The following CDH19 variants were observed in gnomAD, a reference collection of about 807,000 sequenced individuals.
CDH19 encodes the protein cadherin 19, also known as cadherin-19.
A neutral mutation model predicts 64.2 loss-of-function variants in CDH19; 67 were observed. The ratio of observed to expected loss-of-function variants is 1.04; its 90% CI spans 0.86 to 1.28. The LOEUF (loss-of-function observed/expected upper bound fraction) is 1.28, where lower values mean the gene tolerates loss of function less well. Ranked by LOEUF, CDH19 falls within the 50% of genes most tolerant of loss-of-function variation. The probability of loss-of-function intolerance (pLI) is 0.00; values close to 1 mark genes in which losing one functional copy is unlikely to be tolerated. For missense variants in CDH19, 1,030 were observed against 929.0 expected (o/e 1.11, Z -1.41); for synonymous variants, 346 against 319.3 (o/e 1.08, Z -0.89).
In CDH19 at chr18:66,568,401, A is replaced by G. The variant is rs761473652; in HGVS notation, c.490+15T>C. 2 of 1,582,648 alleles carry G rather than the reference A, an allele frequency of 1.3e-6. No individual in the cohort carries two copies. The highest frequency in any genetic ancestry group is 4.5e-5 in the East Asian group (2 of 44,628). The stretch of plus-strand genomic sequence containing the variant: ...CATTGTTAATATATCTTTGATGTAA[A>G]TTAATATGCAATACCTTCTGGAGAC... On this transcript the variant is annotated intron_variant, in intron 3 of 11. Coordinates refer to ENST00000262150, the MANE Select transcript of CDH19 (RefSeq NM_021153.4).
At chr18:66,512,616 C>G (rs1985546410) in intron 9 of CDH19, among the ~76,000 whole-genome samples, 2 of 151,566 alleles carry the variant, frequency 1.3e-5, no homozygotes, top group East Asian at 1.9e-4. Flanking sequence ...TATTACTTCT[C>G]CACATTGATT....
At position 66,554,436 on chromosome 18, in the gene CDH19, G is replaced by A. The variant is rs763770985; in HGVS notation, c.579C>T (p.Gly193=). Residue 193 remains glycine, a synonymous_variant, in exon 4 of 12, where the codon GGC becomes GGT. Transcript: ENST00000262150. ...TTGGTTCAACAGAAAAATATGGCTGGCCTTGAAGTAAGCTGTAGAGGAGAC... is the reference window on the plus strand; with the variant it reads ...TTGGTTCAACAGAAAAATATGGCTGACCTTGAAGTAAGCTGTAGAGGAGAC... ...NARLLYSLLQ[G]QPYFSVEPTT... is the part of the protein sequence containing the mutation. 3 of 1,611,698 alleles carry A rather than the reference G, an allele frequency of 1.9e-6. No homozygotes were observed. In the Admixed American group the frequency reaches 5.0e-5, roughly 27 times the overall value.
At chr18:66,594,762 A>G (rs888545704) in intron 1 of CDH19, among the ~76,000 whole-genome samples, 1 of 148,612 alleles carries the variant, frequency 6.7e-6, no homozygotes, top group Non-Finnish European at 1.5e-5. Context: ...AGAACAAAAA[A>G]CCAAACACTG....
chr18:66,511,373 C>T (rs1162787242), intron 10 of CDH19, among the ~76,000 whole-genome samples, 195 bp downstream of exon 10: 1 of 151,536 alleles, frequency 6.6e-6, no homozygotes, highest in East Asian at 1.9e-4. Context: ...TGAAGAAATG[C>T]GGTGAGAAAT....
chr18:66,535,493 T>C (rs1034814253), intron 7 of CDH19, among the ~76,000 whole-genome samples: 1 of 151,210 alleles, frequency 6.6e-6, no homozygotes, highest in Non-Finnish European at 1.5e-5. Flanking sequence ...CAAATGTTTT[T>C]GTTTGTTTAA....
intron 1 of CDH19, among the ~76,000 whole-genome samples, chr18:66,585,929 T>C (rs28714328): frequency 0.029 from 4,397 of 152,130 alleles, 205 homozygotes; most frequent in African/African-American, 0.1. Context: ...CTCAGAACAA[T>C]TATATTTTCA....
chr18:66,508,895 A>G (rs1985331513), intron 11 of CDH19, 100 bp downstream of exon 11: 2 of 1,240,872 alleles, frequency 1.6e-6, no homozygotes, highest in East Asian at 2.5e-5. Flanking sequence ...CTATGTATTT[A>G]TCATGTTATT....
chr18:66,583,675 G>C (rs1346723599), intron 1 of CDH19, among the ~76,000 whole-genome samples: 2 of 151,926 alleles, frequency 1.3e-5, no homozygotes, highest in African/African-American at 4.8e-5. Context: ...CGTAGACCAA[G>C]GAAACAGAAT....
At chr18:66,579,394 A>G (rs1159078229) in intron 1 of CDH19, among the ~76,000 whole-genome samples, 1 of 152,038 alleles carries the variant, frequency 6.6e-6, no homozygotes, top group East Asian at 1.9e-4. Context: ...AAACAATCAA[A>G]CAAACCCAAA....
At chr18:66,542,298 A>G (rs1986918195) in intron 7 of CDH19, among the ~76,000 whole-genome samples, 1 of 152,118 alleles carries the variant, frequency 6.6e-6, no homozygotes, top group South Asian at 2.1e-4. Flanking sequence ...TCTTGGTATC[A>G]AAAATTAAAT....
intron 2 of CDH19, 113 bp from the exon 3 acceptor site, chr18:66,568,823 T>C (rs980962011): frequency 8.4e-6 from 7 of 838,106 alleles, no homozygotes; most frequent in Non-Finnish European, 1.3e-5. Flanking sequence ...GATTTTATAT[T>C]ATTTCCACAT....
At chr18:66,505,473 G>T (rs1985149324) in intron 11 of CDH19, among the ~76,000 whole-genome samples, 171 bp from the exon 12 acceptor site, 1 of 149,994 alleles carries the variant, frequency 6.7e-6, no homozygotes, top group South Asian at 2.1e-4. Flanking sequence ...AATTACAAAA[G>T]AATGTATCAC....
chr18:66,554,394 T>C lies in CDH19; in HGVS notation c.610+11A>G, dbSNP rs776618924. The C allele has an allele frequency of 4.3e-6, 7 of 1,609,464 alleles. No homozygotes were observed. On this transcript the variant is annotated intron_variant, in intron 4 of 11. Transcript: ENST00000262150. ...ATCATGTTAAACTTTGCTTGTTTCA[T>C]TCACAAATACCTGTTGTTGGTTCAA...
intron 3 of CDH19, among the ~76,000 whole-genome samples, chr18:66,561,833 T>A (rs1466968090): frequency 6.6e-6 from 1 of 152,098 alleles, no homozygotes; most frequent in Non-Finnish European, 1.5e-5. Context: ...TAATTACTAA[T>A]GTAATCTTGG....
chr18:66,554,511 G>A lies in CDH19; in HGVS notation c.504C>T (p.Ile168=). The A allele has an allele frequency of 1.2e-6, 2 of 1,610,854 alleles. No individual in the cohort carries two copies. The highest frequency in any genetic ancestry group is 1.7e-6 in the Non-Finnish European group (2 of 1,177,780). ...PEMSPEGTLV[I]QVTASDADDP... is the part of the protein sequence containing the mutation. Reference sequence around the variant, plus strand: ...CGTCAGCATCACTTGCTGTCACCTGGATAACTAATGTTCCTAAAGAGAACA... The same window carrying A: ...CGTCAGCATCACTTGCTGTCACCTGAATAACTAATGTTCCTAAAGAGAACA... The change falls in exon 4 of 12, where the codon ATC becomes ATT. Residue 168 remains isoleucine (I), a synonymous_variant. Coordinates refer to ENST00000262150, the MANE Select transcript of CDH19 (RefSeq NM_021153.4).
intron 1 of CDH19, among the ~76,000 whole-genome samples, chr18:66,592,233 T>C (rs1988766466): frequency 6.6e-6 from 1 of 151,756 alleles, no homozygotes; most frequent in South Asian, 2.1e-4. Context: ...TTAAAATCTT[T>C]ATTTTGTACA....
Position 66,508,975 on chromosome 18 carries a change from C to T in CDH19, c.1828+20G>A. 1 of 1,597,708 alleles carries T rather than the reference C, an allele frequency of 6.3e-7. No individual in the cohort carries two copies. The highest frequency in any genetic ancestry group is 1.1e-5 in the South Asian group (1 of 90,534). ...ATGATCATAATGCAAATGAGAATAG[C>T]AATGATGACTTCTACCTACCAAATA... On this transcript the variant is annotated intron_variant, in intron 11 of 11. Coordinates refer to ENST00000262150, the MANE Select transcript of CDH19 (RefSeq NM_021153.4).
intron 1 of CDH19, among the ~76,000 whole-genome samples, chr18:66,588,749 C>T (rs1248001476): frequency 6.6e-6 from 1 of 151,164 alleles, no homozygotes; most frequent in African/African-American, 2.4e-5. Context: ...CTAAACTCTC[C>T]TTTATCTCAA....
intron 3 of CDH19, among the ~76,000 whole-genome samples, chr18:66,562,285 C>A (rs796197071): frequency 6.6e-6 from 1 of 151,524 alleles, no homozygotes; most frequent in Non-Finnish European, 1.5e-5. Flanking sequence ...TGGTTTCCTG[C>A]AACTAGATAG....
Sources: allele counts gnomAD v4.1 joint callset (sites outside exome capture counted in the v4.1 genomes callset), GRCh38; gene constraint gnomAD v4.1.1; transcripts MANE v1.5; gene names NCBI Gene and HGNC (gene_info 2026-07-23, HGNC 2026-07-21).